The following ZDHHC6 variants were observed in gnomAD, a reference collection of about 807,000 sequenced individuals.
ZDHHC6 encodes the protein zDHHC palmitoyltransferase 6.
Under a neutral mutation model 57.8 loss-of-function variants are expected in ZDHHC6, and 32 were observed. The ratio of observed to expected loss-of-function variants is 0.55; its 90% CI spans 0.42 to 0.74. The LOEUF (loss-of-function observed/expected upper bound fraction) is 0.74. ZDHHC6 is among the 30% of genes least tolerant of loss of function. The probability of loss-of-function intolerance (pLI) is 0.00; values close to 1 mark genes in which losing one functional copy is unlikely to be tolerated. For synonymous variants in ZDHHC6, 128 were observed against 158.0 expected, an observed-to-expected ratio of 0.81 and a Z score of 1.42; for missense variants, 433 against 500.7, an observed-to-expected ratio of 0.86 and a Z score of 1.29.
In ZDHHC6 at chr10:112,430,735, T is replaced by G. The variant is rs1056832176; in HGVS notation, c.*69A>C. On this transcript the variant is annotated 3_prime_UTR_variant, in exon 11 of 11. Transcript: ENST00000369405. Reference sequence around the variant, plus strand: ...TAACCAGAGTAGGCTCATTGCATAATTCTTTAGTAATATGTACAATTTTCA... The same window carrying G: ...TAACCAGAGTAGGCTCATTGCATAAGTCTTTAGTAATATGTACAATTTTCA... The G allele has an allele frequency of 7.2e-7, 1 of 1,395,632 alleles. No homozygotes were observed. The highest frequency in any genetic ancestry group is 1.0e-6 in the Non-Finnish European group (1 of 1,003,632). The allele number at this position is 1,395,632 out of a possible 1,614,324, so 86.5% of individuals were successfully genotyped here.
rs755314025 is a variant in ZDHHC6, at chr10:112,432,538, G to A, written c.946-17C>T. 351 of 1,602,182 alleles carry A rather than the reference G, an allele frequency of 2.2e-4. 6 individuals are homozygous for A. In the East Asian group the frequency reaches 7.4e-3, roughly 34 times the overall value. On this transcript the variant is annotated splice_polypyrimidine_tract_variant and intron_variant, in intron 8 of 10. Coordinates refer to ENST00000369405, the MANE Select transcript of ZDHHC6 (RefSeq NM_022494.3). ...ATAGCGAACCTGTCGTCAGTGATCA[G>A]AAGAAACCTTTAAATATTCACCCAT...
chr10:112,433,237 T>TA lies in ZDHHC6; in HGVS notation c.945+2dup. On this transcript the variant is annotated splice_region_variant and intron_variant, in intron 8 of 10. Coordinates refer to ENST00000369405, the MANE Select transcript of ZDHHC6 (RefSeq NM_022494.3). ...AAATTACCACTGCAAAAGAAGTACT[T>TA]ACACTTCTGACTCTCTTATCTGCTT... 5.0e-6 allele frequency: 8 copies of TA among 1,586,310 alleles called. No homozygotes were observed. Among genetic ancestry groups the TA allele is most frequent in the Non-Finnish European group, 6.8e-6 (8 of 1,169,612 alleles).
chr10:112,443,547 T>C lies in ZDHHC6; in HGVS notation c.327A>G (p.Ala109=). The C allele has an allele frequency of 6.2e-7, 1 of 1,613,956 alleles. No homozygotes were observed. The highest frequency in any genetic ancestry group is 8.5e-7 in the Non-Finnish European group (1 of 1,179,872). ...ACTTTCTGCAGTGATGTGAACGTGG[T>C]GCCTTGTATGCTTGGCAGACTTTAC... ...QYCKVCQAYK[A]PRSHHCRKCN... Residue 109 remains alanine (A), a synonymous_variant, in exon 3 of 11, where the codon GCA becomes GCG. Coordinates refer to ENST00000369405, the MANE Select transcript of ZDHHC6 (RefSeq NM_022494.3).
At chr10:112,426,281 T>C, downstream of ZDHHC6, 1 of 1,614,178 alleles carries the variant, frequency 6.2e-7, no homozygotes, top group Non-Finnish European at 8.5e-7. Flanking sequence ...GAGTGGTGGT[T>C]CCTGACACAG....
downstream of ZDHHC6, chr10:112,428,462 G>A (rs764204791): frequency 2.0e-5 from 8 of 398,442 alleles, no homozygotes; most frequent in Non-Finnish European, 3.1e-5. Flanking sequence ...TACAGTATCT[G>A]TTCTTAAACT....
At position 112,440,653 on chromosome 10, in the gene ZDHHC6, C is replaced by A; in HGVS notation, c.562G>T (p.Ala188Ser). ...ACAATTGGAAGAGGATCTCTCCGGG[C>A]TGCACTCATGTCGATCTTCACTGTG... ...WNTVKIDMSA[A>S]RRDPLPIVPF... Residue 188 changes from alanine (A) to serine (S), a missense_variant, in exon 5 of 11, where the codon GCC becomes TCC. Physicochemically the swap from Ala to Ser is moderately conservative, Grantham distance 99 (BLOSUM62 1). Transcript: ENST00000369405. 1 of 1,613,968 alleles carries A rather than the reference C, an allele frequency of 6.2e-7. No homozygotes were observed. Among genetic ancestry groups the A allele is most frequent in the Non-Finnish European group, 8.5e-7 (1 of 1,179,900 alleles).
At chr10:112,427,227 AT>A, downstream of ZDHHC6, 1 of 1,611,948 alleles carries the variant, frequency 6.2e-7, no homozygotes, top group Non-Finnish European at 8.5e-7. Flanking sequence ...GGTCAAAGCC[AT>A]TTTTCTTCAT....
intron 5 of ZDHHC6, among the ~76,000 whole-genome samples, chr10:112,439,494 G>A (rs190994942): frequency 2.6e-5 from 4 of 151,828 alleles, no homozygotes; most frequent in East Asian, 1.9e-4. Context: ...AACCGGGTGT[G>A]GTGGCAGGTA....
rs1221694534 is a variant in ZDHHC6, at chr10:112,445,331, T to C, written c.106A>G (p.Thr36Ala). The C allele has an allele frequency of 3.7e-6, 6 of 1,614,074 alleles. No individual in the cohort carries two copies. Among genetic ancestry groups the C allele is most frequent in the South Asian group, 3.3e-5 (3 of 91,084 alleles). The change falls in exon 2 of 11, where the codon ACC becomes GCC. Residue 36 changes from threonine to alanine, a missense_variant. Physicochemically the swap from Thr to Ala is moderately conservative, Grantham distance 58. Coordinates refer to ENST00000369405, the MANE Select transcript of ZDHHC6 (RefSeq NM_022494.3). Reference sequence around the variant, plus strand: ...AACACAGAGTCAATCATGGCCATGGTAGAACATATTGCTATAACACCAAGG... The same window carrying C: ...AACACAGAGTCAATCATGGCCATGGCAGAACATATTGCTATAACACCAAGG... ...IALGVIAICS[T>A]MAMIDSVLWY...
intron 1 of ZDHHC6, 89 bp downstream of exon 1, chr10:112,446,616 T>C (rs1015300270): frequency 3.9e-5 from 6 of 152,224 alleles, no homozygotes; most frequent in Admixed American, 3.9e-4. Flanking sequence ...GTAAGCCAGG[T>C]TGGTCTCAAC....
rs778102323 is a variant in ZDHHC6, at chr10:112,432,456, G to C, written c.1011C>G (p.Thr337=). ...CTTCGGTGCAGGGACTTGTGAAGAAGGTTTTGATTCCTTTATTCAGAGGGC... is the reference window on the plus strand; with the variant it reads ...CTTCGGTGCAGGGACTTGTGAAGAACGTTTTGATTCCTTTATTCAGAGGGC... ...ACCPLNKGIK[T]FFTSPCTEEP... is the part of the protein sequence containing the mutation. The change falls in exon 9 of 11, where the codon ACC becomes ACG. Residue 337 remains threonine, a synonymous_variant. Coordinates refer to ENST00000369405, the MANE Select transcript of ZDHHC6 (RefSeq NM_022494.3). 13 of 1,613,990 alleles carry C rather than the reference G, an allele frequency of 8.1e-6. No homozygotes were observed. Among genetic ancestry groups the C allele is most frequent in the Non-Finnish European group, 1.1e-5 (13 of 1,180,026 alleles).
chr10:112,442,243 G>A lies in ZDHHC6; in HGVS notation c.468C>T (p.Ile156=). 6.2e-7 allele frequency: 1 copy of A among 1,613,954 alleles called. No individual in the cohort carries two copies. Among genetic ancestry groups the A allele is most frequent in the Admixed American group, 1.7e-5 (1 of 59,988 alleles). Residue 156 remains isoleucine (I), a synonymous_variant, in exon 4 of 11, where the codon ATC becomes ATT. Coordinates refer to ENST00000369405, the MANE Select transcript of ZDHHC6 (RefSeq NM_022494.3). ...TCATCACAAAAATGAAAGCAGCATG[G>A]ATACAACCCAGTGGTGCTAAAAGGA... The part of the protein sequence containing the change: ...LFLLLAPLGC[I]HAAFIFVMTM...
At chr10:112,426,980 C>T, downstream of ZDHHC6, 2 of 992,374 alleles carry the variant, frequency 2.0e-6, no homozygotes, top group South Asian at 3.0e-5. Context: ...GTGCCATTAA[C>T]TACAAAATGA....
Position 112,430,739 on chromosome 10 carries a change from T to C in ZDHHC6, c.*65A>G. 1 of 1,421,126 alleles carries C rather than the reference T, an allele frequency of 7.0e-7. No homozygotes were observed. Among genetic ancestry groups the C allele is most frequent in the Non-Finnish European group, 9.8e-7 (1 of 1,023,448 alleles). 88.0% of individuals were successfully genotyped at this position (1,421,126 alleles called of 1,614,324 possible). On this transcript the variant is annotated 3_prime_UTR_variant, in exon 11 of 11. Transcript: ENST00000369405. ...CAGAGTAGGCTCATTGCATAATTCTTTAGTAATATGTACAATTTTCAAGTA... is the reference window on the plus strand; with the variant it reads ...CAGAGTAGGCTCATTGCATAATTCTCTAGTAATATGTACAATTTTCAAGTA...
In ZDHHC6 at chr10:112,440,701, G is replaced by C. The variant is rs370866423; in HGVS notation, c.520-6C>G. The C allele has an allele frequency of 3.1e-6, 5 of 1,609,732 alleles. No individual in the cohort carries two copies. Among genetic ancestry groups the C allele is most frequent in the Non-Finnish European group, 4.2e-6 (5 of 1,177,300 alleles). ...GTGTTCCACCCAAAGGAGAGCTATCGCAGCAACAATAGCACACGCACAAAA... is the reference window on the plus strand; with the variant it reads ...GTGTTCCACCCAAAGGAGAGCTATCCCAGCAACAATAGCACACGCACAAAA... On this transcript the variant is annotated splice_polypyrimidine_tract_variant and splice_region_variant and intron_variant, in intron 4 of 10. Transcript: ENST00000369405.
Position 112,443,496 on chromosome 10 carries a change from C to G in ZDHHC6, c.359+19G>C. ...AATTAGTTGATCAGTCCTCGCTGAA[C>G]AGCAAGAAAGACAGGTACCTGTTAC... On this transcript the variant is annotated intron_variant, in intron 3 of 10. Transcript: ENST00000369405. 6.2e-7 allele frequency: 1 copy of G among 1,609,864 alleles called. No individual in the cohort carries two copies. Among genetic ancestry groups the G allele is most frequent in the Non-Finnish European group, 8.5e-7 (1 of 1,176,552 alleles).
At chr10:112,447,284 G>A (rs1299624143), upstream of ZDHHC6, 5 of 1,422,590 alleles carry the variant, frequency 3.5e-6, no homozygotes, top group Admixed American at 2.0e-5. Flanking sequence ...GGCACCTTCC[G>A]GGGTTCCTAA....
downstream of ZDHHC6, chr10:112,427,510 T>A (rs547616916): frequency 2.9e-5 from 18 of 626,720 alleles, no homozygotes; most frequent in Middle Eastern, 3.2e-4. Flanking sequence ...TTGAGACATA[T>A]AATGTGTAAA....
chr10:112,427,243 A>G, downstream of ZDHHC6: 1 of 1,612,780 alleles, frequency 6.2e-7, no homozygotes, highest in Non-Finnish European at 8.5e-7. Context: ...CTTCATCCAG[A>G]GCCATTTTCC....
Sources: gnomAD v4.1 joint callset for allele counts (sites outside exome capture counted in the v4.1 genomes callset) on GRCh38, gnomAD v4.1.1 for gene constraint, MANE v1.5 for transcripts, NCBI Gene and HGNC (gene_info 2026-07-23, HGNC 2026-07-21) for gene names.